The following VWC2L variants were observed in gnomAD, a reference collection of about 807,000 sequenced individuals.
VWC2L encodes von Willebrand factor C domain containing 2 like.
Under a neutral mutation model 21.6 loss-of-function variants are expected in VWC2L, and 10 were observed. That is an observed-to-expected ratio of 0.46 (90% CI 0.29 to 0.78). The LOEUF (loss-of-function observed/expected upper bound fraction) is 0.78. Among genes scored for constraint, VWC2L ranks in the 30% least tolerant of loss-of-function variants. The pLI is 0.10. For synonymous variants in VWC2L, 96 were observed against 94.3 expected, an observed-to-expected ratio of 1.02 and a Z score of -0.10; for missense variants, 209 against 277.1, an observed-to-expected ratio of 0.75 and a Z score of 1.74.
intron 3 of VWC2L, among the ~76,000 whole-genome samples, chr2:214,437,298 A>T (rs1290857265): frequency 6.6e-6 from 1 of 152,176 alleles, no homozygotes; most frequent in Non-Finnish European, 1.5e-5. Context: ...TTACAGTGGA[A>T]CTGTGCTCTC....
chr2:214,553,967 C>T (rs1689835941), intron 3 of VWC2L, among the ~76,000 whole-genome samples: 3 of 152,174 alleles, frequency 2.0e-5, no homozygotes, highest in Admixed American at 2.0e-4. Context: ...CCCAAGACTC[C>T]TGCTGGCACC....
At chr2:214,492,220 A>G (rs895633645) in intron 3 of VWC2L, among the ~76,000 whole-genome samples, 1 of 146,044 alleles carries the variant, frequency 6.8e-6, no homozygotes, top group African/African-American at 2.4e-5. Flanking sequence ...CCCACTAAAT[A>G]GCATAAAGCC....
At chr2:214,469,867 G>A (rs570252080) in intron 3 of VWC2L, among the ~76,000 whole-genome samples, 78 of 152,250 alleles carry the variant, frequency 5.1e-4, no homozygotes, top group African/African-American at 1.3e-3. Context: ...ATGAATACTC[G>A]TGATATGATT....
In VWC2L at chr2:214,575,848, T is replaced by C. The variant is rs142378112; in HGVS notation, c.*28T>C. On this transcript the variant is annotated 3_prime_UTR_variant, in exon 4 of 4. Transcript: ENST00000312504. ...CAAACTTCCACCCAATGATGAGTTC[T>C]TAGGAAAGGATGCTATGGCTTCAAC... 88 of 1,598,854 alleles carry C rather than the reference T, an allele frequency of 5.5e-5. No homozygotes were observed. The African/African-American group carries it at 1.1e-3, about 20-fold the overall frequency.
chr2:214,461,166 C>T (rs909031183), intron 3 of VWC2L, among the ~76,000 whole-genome samples: 5 of 152,250 alleles, frequency 3.3e-5, no homozygotes, highest in Admixed American at 2.0e-4. Context: ...GACAAATGTT[C>T]CTGTCCTTGG....
At chr2:214,450,063 A>G (rs1702930787) in intron 3 of VWC2L, among the ~76,000 whole-genome samples, 1 of 152,198 alleles carries the variant, frequency 6.6e-6, no homozygotes, top group African/African-American at 2.4e-5. Flanking sequence ...GGCAAGATGC[A>G]GGGCACTGGG....
At chr2:214,490,172 C>G (rs879659547) in intron 3 of VWC2L, among the ~76,000 whole-genome samples, 3 of 152,124 alleles carry the variant, frequency 2.0e-5, no homozygotes, top group Non-Finnish European at 4.4e-5. Context: ...CAGCCAAGCT[C>G]CAAGAACAGA....
intron 3 of VWC2L, among the ~76,000 whole-genome samples, chr2:214,463,550 C>T (rs1361291827): frequency 6.6e-6 from 1 of 152,002 alleles, no homozygotes; most frequent in Non-Finnish European, 1.5e-5. Flanking sequence ...AGGTATTTAA[C>T]CCACTTATGT....
At chr2:214,466,506 T>C (rs951129979) in intron 3 of VWC2L, among the ~76,000 whole-genome samples, 1 of 152,218 alleles carries the variant, frequency 6.6e-6, no homozygotes, top group Non-Finnish European at 1.5e-5. Context: ...TGTGGGTTCA[T>C]AGTTTCTGTG....
chr2:214,498,705 AT>A (rs950117649), intron 3 of VWC2L, among the ~76,000 whole-genome samples: 9 of 39,660 alleles, frequency 2.3e-4, no homozygotes, highest in African/African-American at 4.4e-4. Flanking sequence ...ACATATACAT[AT>A]TTTTATATGT....
At chr2:214,555,032 C>A (rs1689853687) in intron 3 of VWC2L, among the ~76,000 whole-genome samples, 2 of 152,100 alleles carry the variant, frequency 1.3e-5, no homozygotes, top group South Asian at 4.1e-4. Flanking sequence ...AAGACATTTA[C>A]CATCTATTTT....
chr2:214,542,543 G>A (rs534727968), intron 3 of VWC2L, among the ~76,000 whole-genome samples: 2 of 152,346 alleles, frequency 1.3e-5, no homozygotes, highest in South Asian at 4.1e-4. Context: ...GCAAGATGCA[G>A]ATGCTGGTGT....
intron 3 of VWC2L, among the ~76,000 whole-genome samples, chr2:214,497,395 T>C (rs1191973460): frequency 6.6e-6 from 1 of 152,200 alleles, no homozygotes; most frequent in African/African-American, 2.4e-5. Flanking sequence ...CTATCCTCTC[T>C]TGCCTCTCTA....
At position 214,545,538 on chromosome 2, in the gene VWC2L, C is replaced by T. The variant is rs538083143; in HGVS notation, c.521-30134C>T. 1.4e-4 allele frequency among the ~76,000 whole-genome samples: 22 copies of T among 152,264 alleles called. No individual in the cohort carries two copies. In the East Asian group the frequency reaches 3.9e-3, roughly 27 times the overall value. ...TATTAAGTCCAAACAAAGTAAATGA[C>T]ATCTTATGTGATTCAAAATATTTCA... is the stretch of plus-strand genomic sequence containing the variant. On this transcript the variant is annotated intron_variant, in intron 3 of 3. Coordinates refer to ENST00000312504, the MANE Select transcript of VWC2L (RefSeq NM_001080500.4).
intron 3 of VWC2L, among the ~76,000 whole-genome samples, chr2:214,574,844 C>G (rs1690203662): frequency 6.6e-6 from 1 of 150,652 alleles, no homozygotes; most frequent in African/African-American, 2.4e-5. Flanking sequence ...TCAAAAAATG[C>G]AAGAAAATAA....
intron 2 of VWC2L, among the ~76,000 whole-genome samples, chr2:214,419,672 C>A (rs1301006265): frequency 6.6e-6 from 1 of 152,156 alleles, no homozygotes. Flanking sequence ...GTTTTTCCCA[C>A]TATGGGCCAA....
At chr2:214,448,418 C>A (rs1463042609) in intron 3 of VWC2L, among the ~76,000 whole-genome samples, 1 of 152,108 alleles carries the variant, frequency 6.6e-6, no homozygotes, top group Non-Finnish European at 1.5e-5. Context: ...GTCTAGGATG[C>A]TTTTGGTGGT....
chr2:214,450,577 T>C (rs185476865), intron 3 of VWC2L, among the ~76,000 whole-genome samples: 1 of 152,332 alleles, frequency 6.6e-6, no homozygotes, highest in Admixed American at 6.5e-5. Flanking sequence ...ATCGTATAAC[T>C]AGGTCATAAA....
intron 3 of VWC2L, among the ~76,000 whole-genome samples, chr2:214,438,510 T>G (rs576635255): frequency 5.9e-5 from 9 of 152,158 alleles, no homozygotes; most frequent in Admixed American, 3.3e-4. Flanking sequence ...ACAATTATGG[T>G]TATAGTTAAA....
Sources: allele counts gnomAD v4.1 joint callset (sites outside exome capture counted in the v4.1 genomes callset), GRCh38; gene constraint gnomAD v4.1.1; transcripts MANE v1.5; gene names NCBI Gene and HGNC (gene_info 2026-07-23, HGNC 2026-07-21).